Variants in SAMD5 observed in about 807,000 individuals in gnomAD.
SAMD5 encodes the protein sterile alpha motif domain-containing protein 5.
SAMD5 carries 13 observed loss-of-function variants against 11.3 expected under a neutral mutation model. The ratio of observed to expected loss-of-function variants is 1.15; its 90% CI spans 0.75 to 1.83. The LOEUF (loss-of-function observed/expected upper bound fraction) is 1.83, where lower values mean the gene tolerates loss of function less well. SAMD5 is among the 40% of genes most tolerant of loss of function. The pLI is 0.00. For missense variants in SAMD5, 255 were observed against 239.1 expected, an observed-to-expected ratio of 1.07 and a Z score of -0.44; for synonymous variants, 129 against 111.3, an observed-to-expected ratio of 1.16 and a Z score of -1.00.
At chr6:147,733,264 G>A (rs1791743871) in intron 1 of SAMD5, among the ~76,000 whole-genome samples, 1 of 152,112 alleles carries the variant, frequency 6.6e-6, no homozygotes, top group South Asian at 2.1e-4. Flanking sequence ...AAACAGCCAG[G>A]TTTCTTCTTT....
rs1348297821 is a variant in SAMD5, at chr6:147,666,105, ATG to A, written c.163-71210_163-71209del. ...AGGCGCCCGCCAACATGCCTGGCTA[ATG>A]TTTGTATTTTTAGTAGAGACGGGGT... On this transcript the variant is annotated intron_variant, in intron 1 of 1. Coordinates refer to the SAMD5 transcript ENST00000566741. Among the ~76,000 whole-genome samples, 6 of 152,146 alleles carry A rather than the reference ATG, an allele frequency of 3.9e-5. No individual in the cohort carries two copies. In the East Asian group the frequency reaches 7.8e-4, roughly 20 times the overall value.
At chr6:147,858,633 A>G in the SAMD5 span, among the ~76,000 whole-genome samples, 1 of 152,234 alleles carries the variant, frequency 6.6e-6, no homozygotes, top group African/African-American at 2.4e-5. Flanking sequence ...TGGGTGGCCT[A>G]GAGAAACAAT....
At chr6:147,855,897 C>T in the SAMD5 span, among the ~76,000 whole-genome samples, 2 of 152,146 alleles carry the variant, frequency 1.3e-5, no homozygotes, top group African/African-American at 4.8e-5. Flanking sequence ...ATACACCTAC[C>T]ATATGATCCA....
At chr6:147,607,180 G>T (rs1789715971) in intron 1 of SAMD5, among the ~76,000 whole-genome samples, 1 of 151,856 alleles carries the variant, frequency 6.6e-6, no homozygotes, top group South Asian at 2.1e-4. Flanking sequence ...AATAGAAAGT[G>T]GAGCACACCA....
At position 147,565,684 on chromosome 6, in the gene SAMD5, T is replaced by C. The variant is rs542055725; in HGVS notation, c.*1228T>C. ...CATGTTGGCCAGGCTGTTCTTGAAC[T>C]CCTGGCCTCAAATGATCCACTCGCC... is the stretch of plus-strand genomic sequence containing the variant. On this transcript the variant is annotated 3_prime_UTR_variant, in exon 2 of 2. Coordinates refer to ENST00000367474, the MANE Select transcript of SAMD5 (RefSeq NM_001030060.3). The C allele has an allele frequency of 6.6e-3, 5,040 of 763,076 alleles. 30 individuals are homozygous for C. Among genetic ancestry groups the C allele is most frequent in the Non-Finnish European group, 7.7e-3 (4,816 of 627,270 alleles). 47.3% of individuals were successfully genotyped at this position (763,076 alleles called of 1,614,324 possible).
Position 147,568,666 on chromosome 6 carries a change from G to A in SAMD5, c.*4210G>A. 2 of 985,372 alleles carry A rather than the reference G, an allele frequency of 2.0e-6. No individual in the cohort carries two copies. Among genetic ancestry groups the A allele is most frequent in the Admixed American group, 6.1e-5 (1 of 16,286 alleles). 61.0% of individuals were successfully genotyped at this position (985,372 alleles called of 1,614,324 possible). The stretch of plus-strand genomic sequence containing the variant: ...GTGACTTTATTAAATCAAATGAGTT[G>A]TGCAGAGCAGAGCAAATCTATTAGG... On this transcript the variant is annotated 3_prime_UTR_variant, in exon 2 of 2. Transcript: ENST00000367474.
At chr6:147,922,272 A>T in the SAMD5 span, among the ~76,000 whole-genome samples, 1 of 152,172 alleles carries the variant, frequency 6.6e-6, no homozygotes, top group Non-Finnish European at 1.5e-5. Flanking sequence ...TCCACTGCTT[A>T]TTAGCAGATC....
the SAMD5 span, among the ~76,000 whole-genome samples, chr6:147,837,379 C>T: frequency 6.6e-6 from 1 of 152,294 alleles, no homozygotes; most frequent in Admixed American, 6.5e-5. Flanking sequence ...ATAACTAAAA[C>T]ATAAGCCAAC....
chr6:147,795,094 T>C, the SAMD5 span, among the ~76,000 whole-genome samples: 3 of 151,700 alleles, frequency 2.0e-5, no homozygotes, highest in Admixed American at 6.6e-5. Flanking sequence ...CTTTAAGTTT[T>C]AGGGTACATG....
chr6:147,709,360 C>T (rs919056363), intron 1 of SAMD5, among the ~76,000 whole-genome samples: 2 of 152,104 alleles, frequency 1.3e-5, no homozygotes, highest in African/African-American at 2.4e-5. Flanking sequence ...ATAGTTCTTC[C>T]GAAGTCATAG....
intron 1 of SAMD5, among the ~76,000 whole-genome samples, chr6:147,684,865 TA>T (rs1313946934): frequency 6.6e-6 from 1 of 152,164 alleles, no homozygotes; most frequent in Non-Finnish European, 1.5e-5. Flanking sequence ...AAATATATTT[TA>T]AAAAAATAAC....
At chr6:147,613,236 C>T (rs966636370) in intron 1 of SAMD5, among the ~76,000 whole-genome samples, 1 of 151,828 alleles carries the variant, frequency 6.6e-6, no homozygotes, top group South Asian at 2.1e-4. Flanking sequence ...CTTCCTGCAC[C>T]CCCTAGAGCA....
the SAMD5 span, among the ~76,000 whole-genome samples, chr6:147,762,022 A>G: frequency 1.3e-5 from 2 of 151,626 alleles, no homozygotes; most frequent in Non-Finnish European, 2.9e-5. Context: ...CTTTTTTTAC[A>G]TTTTTAATAG....
At chr6:147,734,465 C>T (rs1010106584) in intron 1 of SAMD5, among the ~76,000 whole-genome samples, 3 of 151,864 alleles carry the variant, frequency 2.0e-5, no homozygotes, top group Non-Finnish European at 4.4e-5. Flanking sequence ...GCCTGTAATC[C>T]CAGCATTCTG....
At chr6:147,863,934 G>T in the SAMD5 span, among the ~76,000 whole-genome samples, 3 of 137,148 alleles carry the variant, frequency 2.2e-5, no homozygotes, top group South Asian at 2.2e-4. Context: ...ACCTCTGCCT[G>T]CCAGGTGCAA....
At chr6:147,525,429 A>G (rs1435269043) in intron 1 of SAMD5, among the ~76,000 whole-genome samples, 3 of 150,632 alleles carry the variant, frequency 2.0e-5, no homozygotes, top group East Asian at 1.9e-4. Context: ...AGTCCATAGA[A>G]CACTAATACA....
At chr6:147,814,371 A>G in the SAMD5 span, among the ~76,000 whole-genome samples, 1 of 152,208 alleles carries the variant, frequency 6.6e-6, no homozygotes, top group African/African-American at 2.4e-5. Flanking sequence ...TGAGGTGATA[A>G]ATATTAATAC....
chr6:147,888,788 G>A, the SAMD5 span, among the ~76,000 whole-genome samples: 1 of 151,896 alleles, frequency 6.6e-6, no homozygotes, highest in African/African-American at 2.4e-5. Context: ...AGGAGGCTGA[G>A]GCAGGAGAAT....
At chr6:147,811,890 T>C in the SAMD5 span, among the ~76,000 whole-genome samples, 1 of 152,148 alleles carries the variant, frequency 6.6e-6, no homozygotes, top group Non-Finnish European at 1.5e-5. Flanking sequence ...ACATCTCCTT[T>C]CCAGAACAGA....
Sources: gnomAD v4.1 joint callset for allele counts (sites outside exome capture counted in the v4.1 genomes callset) on GRCh38, gnomAD v4.1.1 for gene constraint, MANE v1.5 for transcripts, NCBI Gene and HGNC (gene_info 2026-07-23, HGNC 2026-07-21) for gene names.